Variants in ELF2 observed in about 807,000 individuals in gnomAD.
The protein encoded by ELF2 is E74 like ETS transcription factor 2.
Under a neutral mutation model 54.8 loss-of-function variants are expected in ELF2, and 11 were observed. The ratio of observed to expected loss-of-function variants is 0.20; its 90% CI spans 0.13 to 0.33. The LOEUF is 0.33. Ranked by LOEUF, ELF2 falls within the 10% of genes least tolerant of loss-of-function variation. The pLI is 1.00. For synonymous variants in ELF2, 203 were observed against 245.1 expected, an observed-to-expected ratio of 0.83 and a Z score of 1.61; for missense variants, 513 against 703.0, an observed-to-expected ratio of 0.73 and a Z score of 3.06.
intron 1 of ELF2, among the ~76,000 whole-genome samples, chr4:139,150,038 T>C (rs1739707508): frequency 6.6e-6 from 1 of 151,900 alleles, no homozygotes. Flanking sequence ...CTATAAAAAA[T>C]ATAAAAATTA....
chr4:139,153,280 C>T (rs1740200085), intron 1 of ELF2, among the ~76,000 whole-genome samples: 1 of 151,800 alleles, frequency 6.6e-6, no homozygotes. Flanking sequence ...ACTAAAAATA[C>T]AAAAATTAGT....
intron 4 of ELF2, among the ~76,000 whole-genome samples, chr4:139,114,305 T>G (rs1735298306): frequency 6.6e-6 from 1 of 152,194 alleles, no homozygotes; most frequent in African/African-American, 2.4e-5. Context: ...GCATGGTTGC[T>G]CACGCCTGTA....
intron 4 of ELF2, among the ~76,000 whole-genome samples, chr4:139,087,535 G>A (rs528587357): frequency 8.1e-4 from 123 of 152,226 alleles, no homozygotes; most frequent in Middle Eastern, 3.4e-3. Flanking sequence ...GCGCGATCTC[G>A]GCTCACTGCA....
chr4:139,164,106 AAG>A (rs1461983662), intron 1 of ELF2, among the ~76,000 whole-genome samples: 1 of 147,390 alleles, frequency 6.8e-6, no homozygotes, highest in Non-Finnish European at 1.5e-5. Flanking sequence ...GAGAGAGAGA[AAG>A]AGGGAGGAAG....
At chr4:139,080,958 A>C (rs201056063) in intron 4 of ELF2, among the ~76,000 whole-genome samples, 8 of 151,604 alleles carry the variant, frequency 5.3e-5, no homozygotes, top group South Asian at 4.2e-4. Flanking sequence ...AAAAAAAAAA[A>C]CCCAAGGAGA....
rs1385319488 is a variant in ELF2 at position 139,084,021 on chromosome 4, G to T, written c.239-10454C>A. 4 of 1,552,190 alleles carry T rather than the reference G, an allele frequency of 2.6e-6. No individual in the cohort carries two copies. The Admixed American group carries it at 7.0e-5, about 27-fold the overall frequency. On this transcript the variant is annotated intron_variant, in intron 4 of 9. Transcript: ENST00000686138. ...TTCCCCCAGCCGCCCCAGTGACTGT[G>T]AGGTGGACACTGTACCCCCAGCACA... is the stretch of plus-strand genomic sequence containing the variant.
intron 1 of ELF2, among the ~76,000 whole-genome samples, chr4:139,147,658 T>A (rs1739373555): frequency 6.6e-6 from 1 of 151,344 alleles, no homozygotes; most frequent in Non-Finnish European, 1.5e-5. Context: ...GTATTTTTAG[T>A]AGAGACGGGG....
At chr4:139,177,259 AC>A (rs994015088), upstream of ELF2, 5 of 11,118 alleles carry the variant, frequency 4.5e-4, no homozygotes, top group East Asian at 0.012. Context: ...CCCTCCCTCC[AC>A]CCCCCGCCTC....
chr4:139,074,596 T>C (rs576598253), intron 4 of ELF2, among the ~76,000 whole-genome samples: 40 of 151,576 alleles, frequency 2.6e-4, no homozygotes, highest in African/African-American at 9.7e-4. Flanking sequence ...TCCATCTCTA[T>C]CAAAAACATA....
chr4:139,130,933 T>C (rs1344200402), intron 3 of ELF2, among the ~76,000 whole-genome samples: 1 of 152,190 alleles, frequency 6.6e-6, no homozygotes, highest in Non-Finnish European at 1.5e-5. Context: ...GCTATTCAGA[T>C]AATTATTGCC....
rs370968724 is a variant in ELF2 at position 139,159,430 on chromosome 4, A to G, written c.-252+17537T>C. ...GAAGGAGATCCTTGGTCCAAGAACCATTTGCCTTGTGTGGGAAGAGATTGA... is the reference window on the plus strand; with the variant it reads ...GAAGGAGATCCTTGGTCCAAGAACCGTTTGCCTTGTGTGGGAAGAGATTGA... On this transcript the variant is annotated intron_variant, in intron 1 of 9. Coordinates refer to ENST00000686138, the MANE Select transcript of ELF2 (RefSeq NM_001331036.3). Among the ~76,000 whole-genome samples the G allele has an allele frequency of 6.5e-4, 99 of 152,304 alleles. 1 individual carries two copies. In the East Asian group the frequency reaches 0.011, roughly 17 times the overall value.
At chr4:139,129,233 C>T (rs1221637822) in intron 3 of ELF2, among the ~76,000 whole-genome samples, 2 of 152,128 alleles carry the variant, frequency 1.3e-5, no homozygotes, top group African/African-American at 4.8e-5. Context: ...CGACTACCCC[C>T]GGCCTACCAC....
At chr4:139,082,213 C>T (rs1341569430) in intron 4 of ELF2, among the ~76,000 whole-genome samples, 1 of 152,134 alleles carries the variant, frequency 6.6e-6, no homozygotes, top group East Asian at 1.9e-4. Context: ...TCCGTGTGTT[C>T]GCAGCCACTG....
At chr4:139,084,394 G>A (rs1251132100) in intron 4 of ELF2, 6 of 1,442,330 alleles carry the variant, frequency 4.2e-6, no homozygotes, top group Admixed American at 4.6e-5. Context: ...GCCGGGCTGA[G>A]AAACCCCACC....
intron 1 of ELF2, among the ~76,000 whole-genome samples, chr4:139,150,518 C>CAA (rs34465260): frequency 0.027 from 2,095 of 76,734 alleles, 34 homozygotes; most frequent in East Asian, 0.066. Context: ...GACCCTGTCT[C>CAA]AAAAAAAAAA....
intron 4 of ELF2, among the ~76,000 whole-genome samples, chr4:139,098,710 C>T (rs1026230499): frequency 6.6e-6 from 1 of 152,118 alleles, no homozygotes; most frequent in Non-Finnish European, 1.5e-5. Context: ...CCTCGTGATC[C>T]ACCCGCCTCG....
intron 1 of ELF2, among the ~76,000 whole-genome samples, chr4:139,143,254 G>C (rs1472213428): frequency 6.6e-6 from 1 of 152,168 alleles, no homozygotes; most frequent in Admixed American, 6.5e-5. Flanking sequence ...CAACTTGTGA[G>C]GGCCATGGTA....
chr4:139,084,098 A>T (rs769856287), intron 4 of ELF2: 1 of 1,612,404 alleles, frequency 6.2e-7, no homozygotes, highest in South Asian at 1.1e-5. Flanking sequence ...CTCCTGCTGC[A>T]CCGATGCACG....
At chr4:139,083,761 A>G (rs1472888785) in intron 4 of ELF2, among the ~76,000 whole-genome samples, 8 of 152,050 alleles carry the variant, frequency 5.3e-5, no homozygotes, top group Admixed American at 5.2e-4. Context: ...CAACAGCCTC[A>G]CTCACTTCCT....
Sources: allele counts gnomAD v4.1 joint callset (sites outside exome capture counted in the v4.1 genomes callset), GRCh38; gene constraint gnomAD v4.1.1; transcripts MANE v1.5; gene names NCBI Gene and HGNC (gene_info 2026-07-23, HGNC 2026-07-21).